The following XK variants were observed in gnomAD, a reference collection of about 807,000 sequenced individuals.
The protein encoded by XK is endoplasmic reticulum membrane adapter protein XK.
A neutral mutation model predicts 14.0 loss-of-function variants in XK; 2 were observed. The ratio of observed to expected loss-of-function variants is 0.14; its 90% CI spans 0.06 to 0.45. The LOEUF is 0.45. Among genes scored for constraint, XK ranks in the 20% least tolerant of loss-of-function variants. The pLI is 0.98. For synonymous variants in XK, 149 were observed against 147.5 expected (o/e 1.01, Z -0.08); for missense variants, 235 against 341.5 (o/e 0.69, Z 2.46).
intron 2 of XK, among the ~76,000 whole-genome samples, chrX:37,708,775 T>C (rs1290752486): frequency 1.5e-4 from 17 of 112,554 alleles, no homozygotes; most frequent in African/African-American, 5.5e-4. Context: ...CAAAATTGTG[T>C]TCCTTTCCAG....
chrX:37,708,170 C>T (rs1294397456), intron 2 of XK, among the ~76,000 whole-genome samples: 14 of 111,961 alleles, frequency 1.3e-4, no homozygotes, highest in Middle Eastern at 9.3e-3. Flanking sequence ...AGTCCAGCTT[C>T]GGCTCGGCAT....
At chrX:37,708,577 C>G (rs1556446015) in intron 2 of XK, among the ~76,000 whole-genome samples, 2 of 112,152 alleles carry the variant, frequency 1.8e-5, no homozygotes, top group African/African-American at 6.5e-5. Context: ...CAAATTTACG[C>G]CAAAAGTAAT....
intron 2 of XK, among the ~76,000 whole-genome samples, chrX:37,703,043 G>A (rs183415499): frequency 9.9e-4 from 111 of 112,159 alleles, no homozygotes; most frequent in African/African-American, 3.4e-3. Context: ...ATGCTATACA[G>A]ATTCCTAAAT....
At chrX:37,710,733 G>A (rs782509024) in intron 2 of XK, among the ~76,000 whole-genome samples, 2 of 112,690 alleles carry the variant, frequency 1.8e-5, no homozygotes, top group African/African-American at 6.4e-5. Context: ...AAAACTTCTT[G>A]TATGACATTT....
intron 1 of XK, among the ~76,000 whole-genome samples, chrX:37,686,677 C>G (rs902320239): frequency 1.8e-5 from 2 of 111,068 alleles, no homozygotes; most frequent in African/African-American, 6.6e-5. Context: ...GTTCTAAAAG[C>G]TTTAACAGTA....
chrX:37,689,529 T>C (rs976560448), intron 1 of XK, among the ~76,000 whole-genome samples: 1 of 112,300 alleles, frequency 8.9e-6, no homozygotes, highest in Non-Finnish European at 1.9e-5. Flanking sequence ...GCTAGGTAGA[T>C]GCTGCGTTTG....
chrX:37,722,873 A>G (rs1927907142), intron 2 of XK, among the ~76,000 whole-genome samples: 1 of 111,842 alleles, frequency 8.9e-6, no homozygotes, highest in Non-Finnish European at 1.9e-5. Context: ...AATATTCTCC[A>G]TAACTTTACA....
chrX:37,711,862 T>A (rs1218558874), intron 2 of XK, among the ~76,000 whole-genome samples: 1 of 111,435 alleles, frequency 9.0e-6, no homozygotes, highest in Non-Finnish European at 1.9e-5. Context: ...AGGGTAAGCA[T>A]GTTTGAGGTT....
At chrX:37,719,941 G>C (rs1184672209) in intron 2 of XK, among the ~76,000 whole-genome samples, 1 of 111,176 alleles carries the variant, frequency 9.0e-6, no homozygotes, top group Non-Finnish European at 1.9e-5. Context: ...GTTTATGGCA[G>C]TCAGATGGAC....
rs1250120965 is a variant in XK, at chrX:37,728,851, C to T, written c.*389C>T. 1 of 163,901 alleles carries T rather than the reference C, an allele frequency of 6.1e-6. No homozygotes were observed. The highest frequency in any genetic ancestry group is 1.2e-5 in the Non-Finnish European group (1 of 85,511). The allele number at this position is 163,901 out of a possible 1,213,427, so 13.5% of individuals were successfully genotyped here. On this transcript the variant is annotated 3_prime_UTR_variant, in exon 3 of 3. Coordinates refer to ENST00000378616, the MANE Select transcript of XK (RefSeq NM_021083.4). Reference sequence around the variant, plus strand: ...TTTGGGTAACCTGAAGTTTTATGATCCCTGAACATAGTTTTCACCCAAGAG... The same window carrying T: ...TTTGGGTAACCTGAAGTTTTATGATTCCTGAACATAGTTTTCACCCAAGAG...
At chrX:37,688,059 C>CTTTCTTTCTTTCT (rs1222917921) in intron 1 of XK, among the ~76,000 whole-genome samples, 2 of 54,662 alleles carry the variant, frequency 3.7e-5, no homozygotes, top group Non-Finnish European at 6.4e-5. Flanking sequence ...TTCTTTCTTT[C>CTTTCTTTCTTTCT]TTTTTTTTTT....
Position 37,694,533 on chromosome X carries a change from G to A in XK, c.493G>A (p.Val165Ile), listed in dbSNP as rs782688508. 9 of 1,190,765 alleles carry A rather than the reference G, an allele frequency of 7.6e-6. No homozygotes were observed. Among genetic ancestry groups the A allele is most frequent in the Admixed American group, 2.3e-5 (1 of 43,219 alleles). ...QLYISVMQQDVTVGRSLLMTI... is the reference protein window; with the variant it reads ...QLYISVMQQDITVGRSLLMTI... Reference sequence around the variant, plus strand: ...GTACATAAGTGTCATGCAGCAGGACGTCACTGTTGGAAGAAGTACGTGTAT... The same window carrying A: ...GTACATAAGTGTCATGCAGCAGGACATCACTGTTGGAAGAAGTACGTGTAT... Residue 165 changes from valine (V) to isoleucine (I), a missense_variant, in exon 2 of 3, where the codon GTC becomes ATC. Physicochemically the swap from Val to Ile is conservative, Grantham distance 29. Coordinates refer to ENST00000378616, the MANE Select transcript of XK (RefSeq NM_021083.4).
chrX:37,724,349 A>G (rs1348362183), intron 2 of XK, among the ~76,000 whole-genome samples: 1 of 111,488 alleles, frequency 9.0e-6, no homozygotes, highest in Non-Finnish European at 1.9e-5. Context: ...AGACAAATAG[A>G]TCAATGGAAC....
chrX:37,705,316 G>C (rs1022736037), intron 2 of XK, among the ~76,000 whole-genome samples: 1 of 110,185 alleles, frequency 9.1e-6, no homozygotes, highest in Non-Finnish European at 1.9e-5. Context: ...GCCGGGCGTG[G>C]TGGCGGGCGC....
chrX:37,705,919 A>ATTT, intron 2 of XK, among the ~76,000 whole-genome samples: 1 of 96,330 alleles, frequency 1.0e-5, no homozygotes, highest in African/African-American at 3.8e-5. Flanking sequence ...TGCCTGGCTG[A>ATTT]TTTTTTTTTT....
chrX:37,718,381 G>A (rs1364316818), intron 2 of XK, among the ~76,000 whole-genome samples: 1 of 111,980 alleles, frequency 8.9e-6, no homozygotes, highest in African/African-American at 3.2e-5. Flanking sequence ...ATTCATGAAA[G>A]TTATCCATAT....
At position 37,730,725 on chromosome X, in the gene XK, C is replaced by T. The variant is rs1440252047; in HGVS notation, c.*2263C>T. The T allele has an allele frequency of 8.9e-6, 1 of 112,425 alleles. No homozygotes were observed. The highest frequency in any genetic ancestry group is 1.9e-5 in the Non-Finnish European group (1 of 53,285). 9.3% of individuals were successfully genotyped at this position (112,425 alleles called of 1,213,427 possible). A position where few individuals can be genotyped will look rare whatever the true frequency, so the allele number is the denominator to read the frequency against. On this transcript the variant is annotated 3_prime_UTR_variant, in exon 3 of 3. Coordinates refer to ENST00000378616, the MANE Select transcript of XK (RefSeq NM_021083.4). ...TAGGAATTAGACAAGGATGGAGAGA[C>T]TGGTTTTTTCCAGCCTTGGTTTGGA... is the stretch of plus-strand genomic sequence containing the variant.
At chrX:37,701,103 T>C (rs1556443753) in intron 2 of XK, among the ~76,000 whole-genome samples, 1 of 111,901 alleles carries the variant, frequency 8.9e-6, no homozygotes. Context: ...ATATAAAAGC[T>C]CTCTGGCCTA....
chrX:37,713,700 G>A (rs73631198), intron 2 of XK, among the ~76,000 whole-genome samples: 3,653 of 110,498 alleles, frequency 0.033, 150 homozygotes, highest in African/African-American at 0.11. Context: ...AATAGAAAAC[G>A]AAGTTACAGA....
Sources: gnomAD v4.1 joint callset for allele counts (sites outside exome capture counted in the v4.1 genomes callset) on GRCh38, gnomAD v4.1.1 for gene constraint, MANE v1.5 for transcripts, NCBI Gene and HGNC (gene_info 2026-07-23, HGNC 2026-07-21) for gene names.